The following TCEANC2 variants were observed in gnomAD, a reference collection of about 807,000 sequenced individuals.
TCEANC2 encodes the protein transcription elongation factor A N-terminal and central domain-containing protein 2.
TCEANC2 carries 20 observed loss-of-function variants against 22.8 expected under a neutral mutation model. The observed-to-expected ratio is 0.88, with a 90% CI of 0.62 to 1.28. The LOEUF (loss-of-function observed/expected upper bound fraction) is 1.28. Among genes scored for constraint, TCEANC2 ranks in the 50% most tolerant of loss-of-function variants. TCEANC2 has a pLI of 0.00. For synonymous variants in TCEANC2, 84 were observed against 95.5 expected (o/e 0.88, Z 0.70); for missense variants, 251 against 249.7 (o/e 1.01, Z -0.03).
At chr1:54,089,969 T>G in intron 4 of TCEANC2, 1 of 716,220 alleles carries the variant, frequency 1.4e-6, no homozygotes, top group Non-Finnish European at 2.6e-6. Flanking sequence ...ATAAATATGG[T>G]AGTGCTGTAT....
Position 54,100,587 on chromosome 1 carries a change from T to C in TCEANC2, c.*4114T>C, listed in dbSNP as rs1658646399. 6.6e-6 allele frequency: 1 copy of C among 152,108 alleles called. No homozygotes were observed. The highest frequency in any genetic ancestry group is 2.4e-5 in the African/African-American group (1 of 41,406). The allele number at this position is 152,108 out of a possible 1,614,324, so 9.4% of individuals were successfully genotyped here. ...CATGTTTGAACCAAAGCCAGAAGGA[T>C]AGGTAGGAGTTCTTAGCAGAGGGCT... On this transcript the variant is annotated 3_prime_UTR_variant, in exon 5 of 5. Transcript: ENST00000234827.
chr1:54,060,223 T>C (rs983038481), intron 2 of TCEANC2, among the ~76,000 whole-genome samples: 3 of 152,022 alleles, frequency 2.0e-5, no homozygotes, highest in African/African-American at 4.8e-5. Context: ...CTGGCCAATA[T>C]GGTGAAACCC....
At chr1:54,076,592 T>G (rs1658147738) in intron 3 of TCEANC2, among the ~76,000 whole-genome samples, 1 of 152,184 alleles carries the variant, frequency 6.6e-6, no homozygotes, top group Admixed American at 6.5e-5. Context: ...ACCTATGAGC[T>G]TTAGAAACAG....
At chr1:54,057,035 C>T (rs903664064) in intron 2 of TCEANC2, among the ~76,000 whole-genome samples, 2 of 149,600 alleles carry the variant, frequency 1.3e-5, no homozygotes, top group African/African-American at 4.9e-5. Flanking sequence ...AAGTGAGACA[C>T]CATTTAAAAA....
rs1247830382 is a variant in TCEANC2 at position 54,098,403 on chromosome 1, T to A, written c.*1930T>A. On this transcript the variant is annotated 3_prime_UTR_variant, in exon 5 of 5. Transcript: ENST00000234827. ...AATGCTCTTTCCCCAGACATCTGCA[T>A]GTTCTTGTCCTCACTTGCTTTAGGT... The A allele has an allele frequency of 6.6e-6, 1 of 152,350 alleles. No individual in the cohort carries two copies. The highest frequency in any genetic ancestry group is 2.4e-5 in the African/African-American group (1 of 41,470). 9.4% of individuals were successfully genotyped at this position (152,350 alleles called of 1,614,324 possible).
At chr1:54,090,528 T>G (rs1209557623) in intron 4 of TCEANC2, among the ~76,000 whole-genome samples, 2 of 152,316 alleles carry the variant, frequency 1.3e-5, no homozygotes, top group East Asian at 3.9e-4. Flanking sequence ...TCAATTTTAG[T>G]TAGTGTCATT....
intron 2 of TCEANC2, among the ~76,000 whole-genome samples, chr1:54,055,804 C>T (rs1657741526): frequency 1.3e-5 from 2 of 152,214 alleles, no homozygotes; most frequent in African/African-American, 4.8e-5. Context: ...TTACTGGTAA[C>T]TGGGTGATCT....
At chr1:54,090,848 G>A (rs1198148700) in intron 4 of TCEANC2, among the ~76,000 whole-genome samples, 1 of 152,144 alleles carries the variant, frequency 6.6e-6, no homozygotes, top group Non-Finnish European at 1.5e-5. Flanking sequence ...CCAATTTCCT[G>A]TGGTATCTTT....
chr1:54,054,442 G>A lies in TCEANC2; in HGVS notation c.20G>A (p.Arg7Gln). 6.2e-7 allele frequency: 1 copy of A among 1,614,064 alleles called. No homozygotes were observed. Among genetic ancestry groups the A allele is most frequent in the Non-Finnish European group, 8.5e-7 (1 of 1,180,024 alleles). ...CTAACAATGGATAAATTCGTCATTC[G>A]AACGCCTAGAATCCAGAATAGCCCT... MDKFVI[R>Q]TPRIQNSPQK... Residue 7 changes from arginine to glutamine, a missense_variant, in exon 2 of 5, where the codon CGA becomes CAA. Physicochemically the swap from Arg to Gln is conservative, Grantham distance 43 (BLOSUM62 1). Transcript: ENST00000234827.
At chr1:54,066,367 AAC>A (rs1657955813) in intron 2 of TCEANC2, among the ~76,000 whole-genome samples, 1 of 152,168 alleles carries the variant, frequency 6.6e-6, no homozygotes, top group South Asian at 2.1e-4. Context: ...AATCATAATA[AAC>A]ACAAATGGAT....
At chr1:54,066,030 C>A (rs753898474) in intron 2 of TCEANC2, among the ~76,000 whole-genome samples, 16 of 150,768 alleles carry the variant, frequency 1.1e-4, no homozygotes, top group Non-Finnish European at 2.1e-4. Flanking sequence ...TTGCAGTGAG[C>A]CGAGATTGTG....
chr1:54,090,192 T>C, intron 4 of TCEANC2: 1 of 263,480 alleles, frequency 3.8e-6, no homozygotes. Context: ...TATGGCATTA[T>C]TGAAGAAATA....
chr1:54,103,954 A>G lies in TCEANC2; in HGVS notation c.*7481A>G, dbSNP rs1256543793. The G allele has an allele frequency of 6.6e-6, 1 of 152,182 alleles. No individual in the cohort carries two copies. Among genetic ancestry groups the G allele is most frequent in the African/African-American group, 2.4e-5 (1 of 41,420 alleles). 9.4% of individuals were successfully genotyped at this position (152,182 alleles called of 1,614,324 possible). A position where few individuals can be genotyped will look rare whatever the true frequency, so the allele number is the denominator to read the frequency against. On this transcript the variant is annotated 3_prime_UTR_variant, in exon 5 of 5. Coordinates refer to ENST00000234827, the MANE Select transcript of TCEANC2 (RefSeq NM_153035.3). ...AGGATCCCATATGATTCCACAGCAA[A>G]GGAGGTGCAGCAGTGGGCACATGGT...
At chr1:54,060,237 C>A (rs1420130275) in intron 2 of TCEANC2, among the ~76,000 whole-genome samples, 3 of 152,008 alleles carry the variant, frequency 2.0e-5, no homozygotes, top group African/African-American at 7.2e-5. Context: ...GAAACCCTGT[C>A]TCTACTAAAA....
chr1:54,060,553 A>C (rs949727313), intron 2 of TCEANC2, among the ~76,000 whole-genome samples: 1 of 152,138 alleles, frequency 6.6e-6, no homozygotes, highest in African/African-American at 2.4e-5. Flanking sequence ...TGGGCAACAG[A>C]GCAAGACCCT....
In TCEANC2 at chr1:54,102,271, C is replaced by G. The variant is rs541901464; in HGVS notation, c.*5798C>G. Reference sequence around the variant, plus strand: ...ATGAGCTGGCAGAGCCCAAAGTACCCGAGGTATCTGTGGTGGGAACAGATG... The same window carrying G: ...ATGAGCTGGCAGAGCCCAAAGTACCGGAGGTATCTGTGGTGGGAACAGATG... On this transcript the variant is annotated 3_prime_UTR_variant, in exon 5 of 5. Coordinates refer to ENST00000234827, the MANE Select transcript of TCEANC2 (RefSeq NM_153035.3). 6.6e-6 allele frequency: 1 copy of G among 152,232 alleles called. No homozygotes were observed. Among genetic ancestry groups the G allele is most frequent in the African/African-American group, 2.4e-5 (1 of 41,438 alleles). 9.4% of individuals were successfully genotyped at this position (152,232 alleles called of 1,614,324 possible).
chr1:54,085,302 T>A (rs529936545), intron 3 of TCEANC2, among the ~76,000 whole-genome samples: 3 of 152,284 alleles, frequency 2.0e-5, no homozygotes, highest in Non-Finnish European at 2.9e-5. Context: ...TCAATAAATG[T>A]GTGGAGAATA....
At chr1:54,089,971 G>A in intron 4 of TCEANC2, 1 of 716,132 alleles carries the variant, frequency 1.4e-6, no homozygotes. Flanking sequence ...AAATATGGTA[G>A]TGCTGTATTA....
intron 2 of TCEANC2, among the ~76,000 whole-genome samples, chr1:54,067,971 A>G (rs72664134): frequency 0.018 from 2,687 of 152,304 alleles, 34 homozygotes; most frequent in Non-Finnish European, 0.021. Context: ...CTCCCACTTT[A>G]CTTTTTAAAA....
Sources: gnomAD v4.1 joint callset for allele counts (sites outside exome capture counted in the v4.1 genomes callset) on GRCh38, gnomAD v4.1.1 for gene constraint, MANE v1.5 for transcripts, NCBI Gene and HGNC (gene_info 2026-07-23, HGNC 2026-07-21) for gene names.